EPB41: variants seen among roughly 807,000 people sequenced by gnomAD.
The protein encoded by EPB41 is protein 4.1.
In EPB41, 65 loss-of-function variants were observed where a neutral mutation model predicts 108.0. That is an observed-to-expected ratio of 0.60 (90% CI 0.49 to 0.74). The LOEUF is 0.74. Among genes scored for constraint, EPB41 ranks in the 30% least tolerant of loss-of-function variants. The probability of loss-of-function intolerance (pLI) is 0.00; values close to 1 mark genes in which losing one functional copy is unlikely to be tolerated. For synonymous variants in EPB41, 336 were observed against 358.9 expected (o/e 0.94, Z 0.72); for missense variants, 875 against 1,037.0 (o/e 0.84, Z 2.15).
chr1:29,112,228 T>A (rs1474010755), intron 18 of EPB41, 140 bp from the exon 19 acceptor site: 13 of 688,158 alleles, frequency 1.9e-5, no homozygotes, highest in Admixed American at 9.2e-5. Context: ...CTCAAACTCC[T>A]GGCCGCAAGC....
Position 29,035,829 on chromosome 1 carries a change from G to A in EPB41, c.1369G>A (p.Glu457Lys), listed in dbSNP as rs761433669. 1.4e-4 allele frequency: 233 copies of A among 1,612,462 alleles called. No homozygotes were observed. Among genetic ancestry groups the A allele is most frequent in the Non-Finnish European group, 1.8e-4 (218 of 1,178,644 alleles). ...ATGTTTATTTGTGTTTTTGTAGCAAGAGCAGTATGAAAGTACCATCGGATT... is the reference window on the plus strand; with the variant it reads ...ATGTTTATTTGTGTTTTTGTAGCAAAAGCAGTATGAAAGTACCATCGGATT... ...FFIKIRPGEQ[E>K]QYESTIGFKL... The change falls in exon 10 of 21, where the codon GAG becomes AAG. Residue 457 changes from glutamate (E) to lysine (K), a missense_variant. Transcript: ENST00000343067.
At chr1:28,980,707 C>G (rs2095717288) in intron 1 of EPB41, among the ~76,000 whole-genome samples, 1 of 151,576 alleles carries the variant, frequency 6.6e-6, no homozygotes, top group Admixed American at 6.6e-5. Context: ...GAGTCAGAAC[C>G]TGTCTCAAAA....
At chr1:29,027,981 C>T (rs548939949) in intron 7 of EPB41, among the ~76,000 whole-genome samples, 31 of 152,084 alleles carry the variant, frequency 2.0e-4, no homozygotes, top group East Asian at 1.8e-3. Context: ...TGCGCCACCA[C>T]GCCCAGCTAA....
rs767131856 is a variant in EPB41, at chr1:29,115,672, C to T, written c.2497-27C>T. 41 of 1,593,094 alleles carry T rather than the reference C, an allele frequency of 2.6e-5. No homozygotes were observed. The highest frequency in any genetic ancestry group is 2.5e-4 in the African/African-American group (19 of 74,584). On this transcript the variant is annotated intron_variant, in intron 19 of 20. Transcript: ENST00000343067. The surrounding 1 kb of genome is among the most constrained non-coding windows in gnomAD (Gnocchi z 4.4). ...TTCGCCATCAGGCTATTTTCTGCCT[C>T]ATTGCCCTTGTTTCTGTCTTTTGTA...
Position 29,119,931 on chromosome 1 carries a change from A to G in EPB41, c.*3119A>G, listed in dbSNP as rs1458607333. ...GAATCTTTAGACTACACAGGCAATA[A>G]TCAAGTCTGCTGTTTTGGCCTTTCG... On this transcript the variant is annotated 3_prime_UTR_variant, in exon 21 of 21. Coordinates refer to ENST00000343067, the MANE Select transcript of EPB41 (RefSeq NM_001376013.1). 6.6e-6 allele frequency: 1 copy of G among 152,664 alleles called. No homozygotes were observed. The highest frequency in any genetic ancestry group is 2.4e-5 in the African/African-American group (1 of 41,474). The allele number at this position is 152,664 out of a possible 1,614,324, so 9.5% of individuals were successfully genotyped here. A position where few individuals can be genotyped will look rare whatever the true frequency, so the allele number is the denominator to read the frequency against.
intron 16 of EPB41, among the ~76,000 whole-genome samples, chr1:29,075,589 A>G (rs577882039): frequency 4.6e-5 from 7 of 152,298 alleles, no homozygotes; most frequent in African/African-American, 1.7e-4. Context: ...AAGGTAGGGG[A>G]AGGCATAGAG....
Position 29,115,780 on chromosome 1 carries a change from G to A in EPB41, c.2578G>A (p.Glu860Lys), listed in dbSNP as rs201016843. ...CAAGGTGGTCGTCCACCAGGAGACC[G>A]AGATTGCTGATGAGTGAGCTCAGGT... ...VTKVVVHQET[E>K]IADE Residue 860 changes from glutamate (E) to lysine (K), a missense_variant, in exon 20 of 21, where the codon GAG becomes AAG. Glu to Lys is a moderately conservative substitution (Grantham distance 56, BLOSUM62 1). This residue lies in a region of EPB41 where 519 missense variants were observed against 627.3 expected (regional missense o/e 0.83). Transcript: ENST00000343067. This position sits in a 1 kb window ranked among gnomAD's most constrained non-coding sequence, Gnocchi z 4.4. The A allele has an allele frequency of 7.4e-6, 12 of 1,613,996 alleles. No homozygotes were observed. Among genetic ancestry groups the A allele is most frequent in the Middle Eastern group, 1.7e-4 (1 of 6,058 alleles).
At chr1:28,964,357 G>T (rs936831463) in intron 1 of EPB41, among the ~76,000 whole-genome samples, 7 of 152,058 alleles carry the variant, frequency 4.6e-5, no homozygotes, top group African/African-American at 1.7e-4. Context: ...CAGGAGAATT[G>T]CTTGAGCCTG....
chr1:29,089,446 A>C (rs1447051068), intron 16 of EPB41, among the ~76,000 whole-genome samples: 1 of 152,244 alleles, frequency 6.6e-6, no homozygotes, highest in Non-Finnish European at 1.5e-5. Context: ...TAAGTAAGAC[A>C]GTAACAAGTT....
chr1:28,971,987 C>T (rs919416335), intron 1 of EPB41, among the ~76,000 whole-genome samples: 6 of 152,060 alleles, frequency 3.9e-5, no homozygotes, highest in Non-Finnish European at 8.8e-5. Flanking sequence ...TCTCGACCTC[C>T]GCGCTCAGCT....
Position 28,887,502 on chromosome 1 carries a change from T to A in EPB41, c.-8+292T>A, listed in dbSNP as rs2089555110. 1 of 985,028 alleles carries A rather than the reference T, an allele frequency of 1.0e-6. No individual in the cohort carries two copies. The highest frequency in any genetic ancestry group is 1.2e-6 in the Non-Finnish European group (1 of 829,832). 61.0% of individuals were successfully genotyped at this position (985,028 alleles called of 1,614,324 possible). Reference sequence around the variant, plus strand: ...GTCCGGGTCCGGCCGGTCCTGGCTGTCTGGGGCGGGGGTCCTGCATTCGGT... The same window carrying A: ...GTCCGGGTCCGGCCGGTCCTGGCTGACTGGGGCGGGGGTCCTGCATTCGGT... On this transcript the variant is annotated intron_variant, in intron 1 of 16. Transcript: ENST00000347529. This position sits in a 1 kb window ranked among gnomAD's most constrained non-coding sequence, Gnocchi z 4.9.
At chr1:29,093,849 G>A (rs1238075676) in intron 16 of EPB41, among the ~76,000 whole-genome samples, 1 of 152,144 alleles carries the variant, frequency 6.6e-6, no homozygotes. Flanking sequence ...AGGTTGCAGT[G>A]AGCCAAGATC....
chr1:28,934,666 T>TTTTTGTGTGTGTGTG (rs1553174370), intron 1 of EPB41, among the ~76,000 whole-genome samples: 5 of 136,308 alleles, frequency 3.7e-5, no homozygotes, highest in African/African-American at 1.4e-4. Context: ...TCTTTTGACA[T>TTTTTGTGTGTGTGTG]TGTGTGTGTG....
intron 17 of EPB41, among the ~76,000 whole-genome samples, chr1:29,098,578 G>A (rs548216904): frequency 2.0e-5 from 3 of 152,292 alleles, no homozygotes; most frequent in Admixed American, 2.0e-4. Flanking sequence ...CTGGTGTAAT[G>A]GTTGAGAACA....
chr1:28,983,690 A>G (rs2095807892), intron 1 of EPB41, among the ~76,000 whole-genome samples: 1 of 152,168 alleles, frequency 6.6e-6, no homozygotes, highest in Non-Finnish European at 1.5e-5. Flanking sequence ...ACTCAAGGCC[A>G]CGCGGGCCTC....
chr1:28,931,727 G>A (rs999858576), intron 1 of EPB41, among the ~76,000 whole-genome samples: 1 of 151,822 alleles, frequency 6.6e-6, no homozygotes, highest in African/African-American at 2.4e-5. Flanking sequence ...GTAGAGACAG[G>A]GTTTCACTGT....
intron 11 of EPB41, among the ~76,000 whole-genome samples, chr1:29,051,086 C>CTTTTTTTTTTTTTTTT (rs1644409619): frequency 1.7e-5 from 1 of 57,248 alleles, no homozygotes; most frequent in African/African-American, 6.6e-5. Flanking sequence ...TTTTCTTTTT[C>CTTTTTTTTTTTTTTTT]TGTTTTTTTT....
chr1:28,904,732 T>A (rs1026221040), intron 1 of EPB41, among the ~76,000 whole-genome samples: 3 of 151,796 alleles, frequency 2.0e-5, no homozygotes, highest in African/African-American at 7.3e-5. Context: ...ACCTTGTCTC[T>A]ACTAAAAATA....
chr1:28,933,092 T>G (rs2093830188), intron 1 of EPB41, among the ~76,000 whole-genome samples: 1 of 152,176 alleles, frequency 6.6e-6, no homozygotes, highest in Non-Finnish European at 1.5e-5. Flanking sequence ...AGTTTTGTCT[T>G]TATGTATTTT....
Sources: gnomAD v4.1 joint callset for allele counts (sites outside exome capture counted in the v4.1 genomes callset) on GRCh38, gnomAD v4.1.1 for gene constraint, gnomAD v4.1.1 regional missense constraint, Gnocchi (gnomAD v3.1) non-coding constraint, MANE v1.5 for transcripts, NCBI Gene and HGNC (gene_info 2026-07-23, HGNC 2026-07-21) for gene names.